PTPRM: variants seen among roughly 807,000 people sequenced by gnomAD.
PTPRM encodes the protein protein tyrosine phosphatase receptor type M, also known as receptor-type tyrosine-protein phosphatase mu.
PTPRM carries 47 observed loss-of-function variants against 186.7 expected under a neutral mutation model. The observed-to-expected ratio is 0.25, with a 90% confidence interval of 0.20 to 0.32. PTPRM has a LOEUF of 0.32. Among genes scored for constraint, PTPRM ranks in the 10% least tolerant of loss-of-function variants. The pLI is 1.00. For synonymous variants in PTPRM, 668 were observed against 674.9 expected, an observed-to-expected ratio of 0.99 and a Z score of 0.16; for missense variants, 1,494 against 1,865.0, an observed-to-expected ratio of 0.80 and a Z score of 3.66.
At chr18:7,757,182 GT>G (rs2041539335) in intron 1 of PTPRM, among the ~76,000 whole-genome samples, 6 of 152,166 alleles carry the variant, frequency 3.9e-5, no homozygotes, top group African/African-American at 1.4e-4. Context: ...CTAATCTGAA[GT>G]AGGCCTTTTA....
chr18:7,584,163 A>G (rs1191878534), intron 1 of PTPRM, among the ~76,000 whole-genome samples: 1 of 152,220 alleles, frequency 6.6e-6, no homozygotes, highest in Non-Finnish European at 1.5e-5. Flanking sequence ...CTGCATTAAC[A>G]AAAGTAGAAT....
At chr18:8,108,739 A>T (rs1418296556) in intron 11 of PTPRM, among the ~76,000 whole-genome samples, 7 of 152,210 alleles carry the variant, frequency 4.6e-5, no homozygotes, top group African/African-American at 7.2e-5. Flanking sequence ...GCATAAATTA[A>T]ACTTTAAATT....
chr18:7,894,267 ATATT>A (rs1411421588), intron 3 of PTPRM, among the ~76,000 whole-genome samples: 1 of 152,142 alleles, frequency 6.6e-6, no homozygotes, highest in Non-Finnish European at 1.5e-5. Flanking sequence ...TTTGACTATT[ATATT>A]TCTGATTCCA....
chr18:8,388,517 G>C (rs1179075967), intron 31 of PTPRM, among the ~76,000 whole-genome samples: 2 of 152,184 alleles, frequency 1.3e-5, no homozygotes, highest in Non-Finnish European at 2.9e-5. Flanking sequence ...GCAGGAAACT[G>C]ATATTCCTTT....
intron 2 of PTPRM, among the ~76,000 whole-genome samples, chr18:7,851,365 A>G (rs2145938663): frequency 6.6e-6 from 1 of 152,338 alleles, no homozygotes; most frequent in Admixed American, 6.5e-5. Context: ...TTATGGACCC[A>G]AATGTGATAA....
rs1169623304 is a variant in PTPRM, at chr18:7,567,433, G to GGCCACGGCCACGGCCACC, written c.-370_-353dup. 1,024 of 155,110 alleles carry GGCCACGGCCACGGCCACC rather than the reference G, an allele frequency of 6.6e-3. 10 individuals carry two copies. Among genetic ancestry groups the GGCCACGGCCACGGCCACC allele is most frequent in the African/African-American group, 0.024 (975 of 41,410 alleles). 9.6% of individuals were successfully genotyped at this position (155,110 alleles called of 1,614,324 possible). ...GAGAGGCGGCGGGCGGAACGCGCGC[G>GGCCACGGCCACGGCCACC]GCCACGGCCACGGCCACCGCCACGG... is the stretch of plus-strand genomic sequence containing the variant. On this transcript the variant is annotated 5_prime_UTR_variant, in exon 1 of 33. Coordinates refer to ENST00000580170, the MANE Select transcript of PTPRM (RefSeq NM_001105244.2). The surrounding 1 kb of genome is among the most constrained non-coding windows in gnomAD (Gnocchi z 4.3).
At chr18:7,905,221 G>A (rs1054698315) in intron 3 of PTPRM, among the ~76,000 whole-genome samples, 2 of 152,078 alleles carry the variant, frequency 1.3e-5, no homozygotes, top group Non-Finnish European at 1.5e-5. Flanking sequence ...TCAAACTCCC[G>A]ACCTCAGGTG....
intron 23 of PTPRM, among the ~76,000 whole-genome samples, chr18:8,344,448 GTATATA>G (rs1207996603): frequency 4.6e-3 from 153 of 33,428 alleles, no homozygotes; most frequent in African/African-American, 0.011. Flanking sequence ...GTGTGTGTGT[GTATATA>G]TATATATATA....
At chr18:7,585,095 C>T (rs1332820385) in intron 1 of PTPRM, among the ~76,000 whole-genome samples, 3 of 152,106 alleles carry the variant, frequency 2.0e-5, no homozygotes, top group Non-Finnish European at 2.9e-5. Context: ...AGGAAAGATC[C>T]GTGGGAAAAC....
intron 2 of PTPRM, among the ~76,000 whole-genome samples, chr18:7,794,467 TG>T (rs1333056458): frequency 1.4e-4 from 21 of 152,154 alleles, no homozygotes; most frequent in Admixed American, 1.2e-3. Flanking sequence ...CGTTTCATTA[TG>T]ATGTTGAGTT....
In PTPRM at chr18:8,149,273, T is replaced by C. The variant is rs8086422; in HGVS notation, c.2300+5494T>C. ...GGGTGTTAAAGTCTCCCACAATTAT[T>C]ATGTGGGAATCTAAGTCTCTTTGTA... is the stretch of plus-strand genomic sequence containing the variant. On this transcript the variant is annotated intron_variant, in intron 14 of 32. Transcript: ENST00000580170. 9.0e-3 allele frequency among the ~76,000 whole-genome samples: 1,378 copies of C among 152,276 alleles called. 26 individuals carry two copies. The highest frequency in any genetic ancestry group is 0.032 in the African/African-American group (1,322 of 41,534).
chr18:7,600,842 C>T lies in PTPRM; in HGVS notation c.73+32951C>T, dbSNP rs531929792. On this transcript the variant is annotated intron_variant, in intron 1 of 32. Transcript: ENST00000580170. ...CGCTGCGCCCCTCAGTTCCCCTCTG[C>T]TGCACTTGTGTCTACCTGGGCCTCT... 3.9e-5 allele frequency among the ~76,000 whole-genome samples: 6 copies of T among 152,372 alleles called. No homozygotes were observed. In the East Asian group the frequency reaches 1.2e-3, roughly 29 times the overall value.
chr18:7,858,911 G>A (rs138293196), intron 2 of PTPRM, among the ~76,000 whole-genome samples: 91 of 152,270 alleles, frequency 6.0e-4, no homozygotes, highest in African/African-American at 2.1e-3. Context: ...CTTCAATAAA[G>A]AGAACAATTC....
intron 2 of PTPRM, among the ~76,000 whole-genome samples, chr18:7,879,727 G>A (rs1299120859): frequency 6.6e-6 from 1 of 152,088 alleles, no homozygotes; most frequent in Non-Finnish European, 1.5e-5. Context: ...TATTAATTTT[G>A]TAGCACCTAG....
chr18:8,315,930 C>T (rs191177164), intron 21 of PTPRM, among the ~76,000 whole-genome samples: 12 of 152,284 alleles, frequency 7.9e-5, no homozygotes. Flanking sequence ...TTGATAACAA[C>T]CAAAACCATA....
intron 13 of PTPRM, among the ~76,000 whole-genome samples, chr18:8,126,025 A>ATTTTTTTTTTTTTTT (rs1215694977): frequency 1.7e-5 from 1 of 57,268 alleles, no homozygotes; most frequent in Non-Finnish European, 3.5e-5. Context: ...ATATATATAT[A>ATTTTTTTTTTTTTTT]TATTTTAAAT....
At chr18:7,795,358 T>C (rs921156224) in intron 2 of PTPRM, among the ~76,000 whole-genome samples, 1 of 152,156 alleles carries the variant, frequency 6.6e-6, no homozygotes, top group Non-Finnish European at 1.5e-5. Context: ...AGGAGATTTT[T>C]AAACCTCTAA....
intron 17 of PTPRM, among the ~76,000 whole-genome samples, chr18:8,250,335 G>A (rs889246695): frequency 1.3e-5 from 2 of 152,030 alleles, no homozygotes; most frequent in South Asian, 2.1e-4. Context: ...TCAACTTAAG[G>A]TTTTTCAGCT....
intron 8 of PTPRM, among the ~76,000 whole-genome samples, chr18:8,070,933 G>A (rs1242689301): frequency 5.3e-5 from 8 of 152,148 alleles, no homozygotes; most frequent in African/African-American, 1.9e-4. Context: ...TGAATGTTTA[G>A]ACTACTTTAT....
Sources: gnomAD v4.1 joint callset for allele counts (sites outside exome capture counted in the v4.1 genomes callset) on GRCh38, gnomAD v4.1.1 for gene constraint, Gnocchi (gnomAD v3.1) non-coding constraint, MANE v1.5 for transcripts, NCBI Gene and HGNC (gene_info 2026-07-23, HGNC 2026-07-21) for gene names.